Variants in ADSS2 observed in about 807,000 individuals in gnomAD.
ADSS2 encodes the protein adenylosuccinate synthetase isozyme 2.
Under a neutral mutation model 60.0 loss-of-function variants are expected in ADSS2, and 30 were observed. The ratio of observed to expected loss-of-function variants is 0.50; its 90% CI spans 0.37 to 0.68. ADSS2 has a LOEUF of 0.68. Among genes scored for constraint, ADSS2 ranks in the 30% least tolerant of loss-of-function variants. The pLI, the probability that ADSS2 is intolerant of heterozygous loss-of-function variation, is 0.00. For synonymous variants in ADSS2, 187 were observed against 193.1 expected, an observed-to-expected ratio of 0.97 and a Z score of 0.26; for missense variants, 373 against 554.8, an observed-to-expected ratio of 0.67 and a Z score of 3.29.
chr1:244,411,473 C>G, intron 11 of ADSS2, 37 bp from the exon 12 acceptor site: 3 of 1,574,528 alleles, frequency 1.9e-6, no homozygotes, highest in Non-Finnish European at 2.6e-6. Context: ...ATGGCACACA[C>G]TGTTTACTGT....
chr1:244,444,216 A>G (rs1418895155), intron 1 of ADSS2, among the ~76,000 whole-genome samples: 1 of 152,170 alleles, frequency 6.6e-6, no homozygotes, highest in Non-Finnish European at 1.5e-5. Flanking sequence ...TGTTATTCTT[A>G]CATTAAGATG....
Position 244,437,665 on chromosome 1 carries a change from C to G in ADSS2, c.286+1G>C, listed in dbSNP as rs756236751. ...CCATGCAGTTCAGTTTATATACTTA[C>G]CAATGAATGCAGTGACATTTGGATT... On this transcript the variant is annotated splice_donor_variant, in intron 2 of 12. Transcript: ENST00000366535. LOFTEE classifies it high-confidence loss of function. 1 of 1,564,634 alleles carries G rather than the reference C, an allele frequency of 6.4e-7. No homozygotes were observed. The highest frequency in any genetic ancestry group is 1.1e-5 in the South Asian group (1 of 89,980).
At chr1:244,422,496 T>C (rs1049676638) in intron 7 of ADSS2, among the ~76,000 whole-genome samples, 1 of 152,230 alleles carries the variant, frequency 6.6e-6, no homozygotes, top group African/African-American at 2.4e-5. Flanking sequence ...TGTCCTCCAA[T>C]TGTTAGAAGT....
intron 12 of ADSS2, among the ~76,000 whole-genome samples, chr1:244,409,871 T>G (rs1664372703): frequency 6.6e-6 from 1 of 152,160 alleles, no homozygotes; most frequent in Non-Finnish European, 1.5e-5. Context: ...CTGTGCAATA[T>G]TTTCACTTTC....
intron 1 of ADSS2, among the ~76,000 whole-genome samples, chr1:244,442,096 T>G (rs1407049617): frequency 1.3e-5 from 2 of 152,206 alleles, no homozygotes; most frequent in Non-Finnish European, 2.9e-5. Flanking sequence ...AATATAATCA[T>G]TTGATGAATT....
In ADSS2 at chr1:244,416,014, T is replaced by C. The variant is rs769202132; in HGVS notation, c.1135A>G (p.Lys379Glu). 6.2e-7 allele frequency: 1 copy of C among 1,613,814 alleles called. No homozygotes were observed. Among genetic ancestry groups the C allele is most frequent in the South Asian group, 1.1e-5 (1 of 91,064 alleles). ...TGAGGTATGATTTCACCATCTAACT[T>C]GTAAGCAACTCCAACTTTGATTTCC... The part of the protein sequence containing the change: ...FTEIKVGVAY[K>E]LDGEIIPHIP... The change falls in exon 11 of 13, where the codon AAG becomes GAG. Residue 379 changes from lysine (K) to glutamate (E), a missense_variant. This residue lies in a region of ADSS2 where 130 missense variants were observed against 169.4 expected (regional missense o/e 0.77). Coordinates refer to ENST00000366535, the MANE Select transcript of ADSS2 (RefSeq NM_001126.5).
intron 12 of ADSS2, among the ~76,000 whole-genome samples, chr1:244,410,458 T>C (rs1664386293): frequency 6.6e-6 from 1 of 152,148 alleles, no homozygotes; most frequent in South Asian, 2.1e-4. Context: ...TCCCTCGCCA[T>C]CTTATATTTG....
intron 4 of ADSS2, among the ~76,000 whole-genome samples, chr1:244,428,924 T>C (rs1011530905): frequency 6.6e-6 from 1 of 152,146 alleles, no homozygotes; most frequent in Non-Finnish European, 1.5e-5. Flanking sequence ...CACAAAGATT[T>C]TCTATAAAAC....
intron 11 of ADSS2, among the ~76,000 whole-genome samples, chr1:244,415,779 C>T (rs1156428574): frequency 6.7e-6 from 1 of 149,370 alleles, no homozygotes; most frequent in African/African-American, 2.4e-5. Flanking sequence ...TGAGTTTGAG[C>T]ACATGCTTGT....
chr1:244,411,449 G>C lies in ADSS2; in HGVS notation c.1169-13C>G. ...ACTTCTTGGTTTGCTAAAAGTTAAA[G>C]AGGACATTTATTCATGGCACACACT... On this transcript the variant is annotated splice_polypyrimidine_tract_variant and intron_variant, in intron 11 of 12. Coordinates refer to ENST00000366535, the MANE Select transcript of ADSS2 (RefSeq NM_001126.5). 1 of 1,605,896 alleles carries C rather than the reference G, an allele frequency of 6.2e-7. No homozygotes were observed. Among genetic ancestry groups the C allele is most frequent in the Non-Finnish European group, 8.5e-7 (1 of 1,177,840 alleles).
At chr1:244,451,983 C>G, upstream of ADSS2, 1 of 659,418 alleles carries the variant, frequency 1.5e-6, no homozygotes, top group African/African-American at 1.9e-5. The surrounding 1 kb of genome is among the most constrained non-coding windows in gnomAD (Gnocchi z 6.6). Flanking sequence ...CCGCCCCGCT[C>G]TCCGCCACAG....
intron 4 of ADSS2, among the ~76,000 whole-genome samples, chr1:244,425,931 T>C (rs1360935315): frequency 1.3e-5 from 2 of 152,132 alleles, no homozygotes; most frequent in Non-Finnish European, 2.9e-5. Context: ...TATCCCAATA[T>C]TGGAAACAAC....
chr1:244,410,258 A>C (rs766568200), intron 12 of ADSS2, among the ~76,000 whole-genome samples: 1 of 152,220 alleles, frequency 6.6e-6, no homozygotes, highest in Non-Finnish European at 1.5e-5. Flanking sequence ...GTAATTTGGA[A>C]AACAAGAATC....
At chr1:244,419,457 C>G (rs1664628007) in intron 8 of ADSS2, among the ~76,000 whole-genome samples, 1 of 152,210 alleles carries the variant, frequency 6.6e-6, no homozygotes, top group Non-Finnish European at 1.5e-5. Context: ...ACTATTCACT[C>G]TACCAAGTAG....
chr1:244,420,246 T>G lies in ADSS2; in HGVS notation c.714A>C (p.Leu238=), dbSNP rs745448883. Residue 238 remains leucine, a synonymous_variant, in exon 8 of 13, where the codon CTA becomes CTC. Transcript: ENST00000366535. The part of the protein sequence containing the change: ...KPMVRDGVYF[L]YEALHGPPKK... ...TTGGTGGTCCATGTAGGGCCTCATA[T>G]AGAAAATAAACTCCATCTCTCACCA... The G allele has an allele frequency of 1.9e-6, 3 of 1,613,694 alleles. No homozygotes were observed. The highest frequency in any genetic ancestry group is 2.5e-6 in the Non-Finnish European group (3 of 1,179,750).
intron 1 of ADSS2, among the ~76,000 whole-genome samples, chr1:244,441,004 T>C (rs1241110288): frequency 2.6e-5 from 4 of 152,128 alleles, no homozygotes; most frequent in Admixed American, 2.6e-4. Flanking sequence ...TCAATTCTGA[T>C]AGAATCCTAG....
chr1:244,416,073 G>A lies in ADSS2; in HGVS notation c.1076C>T (p.Ala359Val), dbSNP rs1337381260. 7 of 1,611,532 alleles carry A rather than the reference G, an allele frequency of 4.3e-6. No individual in the cohort carries two copies. Among genetic ancestry groups the A allele is most frequent in the Middle Eastern group, 1.6e-4 (1 of 6,080 alleles). ...GTCCAAAATATCCAACTTGGTAAGT[G>A]CCAACCTAATTTTGGAAGAAAAGGC... ...AHMINGFTALALTKLDILDMF... is the reference protein window; with the variant it reads ...AHMINGFTALVLTKLDILDMF... Residue 359 changes from alanine to valine, a missense_variant, in exon 11 of 13, where the codon GCA becomes GTA. Physicochemically the swap from Ala to Val is moderately conservative, Grantham distance 64. Transcript: ENST00000366535.
At chr1:244,439,969 T>C (rs902515440) in intron 1 of ADSS2, among the ~76,000 whole-genome samples, 9 of 152,198 alleles carry the variant, frequency 5.9e-5, no homozygotes, top group African/African-American at 2.2e-4. Flanking sequence ...GATCACTGCA[T>C]TCTCCTGCCT....
At chr1:244,439,142 T>C (rs542378185) in intron 1 of ADSS2, among the ~76,000 whole-genome samples, 4 of 152,280 alleles carry the variant, frequency 2.6e-5, no homozygotes, top group African/African-American at 9.6e-5. Flanking sequence ...AGTGGGAACA[T>C]GTGAAGTTTG....
Sources: allele counts gnomAD v4.1 joint callset (sites outside exome capture counted in the v4.1 genomes callset), GRCh38; gene constraint gnomAD v4.1.1; regional missense constraint gnomAD v4.1.1; non-coding constraint Gnocchi (gnomAD v3.1); transcripts MANE v1.5; gene names NCBI Gene and HGNC (gene_info 2026-07-23, HGNC 2026-07-21).